The following NKAIN2 variants were observed in gnomAD, a reference collection of about 807,000 sequenced individuals.
NKAIN2 encodes sodium/potassium-transporting ATPase subunit beta-1-interacting protein 2.
NKAIN2 carries 14 observed loss-of-function variants against 32.6 expected under a neutral mutation model. The observed-to-expected ratio is 0.43, with a 90% confidence interval of 0.28 to 0.67. NKAIN2 has a LOEUF of 0.67. NKAIN2 is among the 30% of genes least tolerant of loss of function. The pLI, the probability that NKAIN2 is intolerant of heterozygous loss-of-function variation, is 0.17. For synonymous variants in NKAIN2, 80 were observed against 87.2 expected (o/e 0.92, Z 0.46); for missense variants, 198 against 258.3 (o/e 0.77, Z 1.60).
chr6:124,458,802 A>G (rs1776419273), intron 3 of NKAIN2, among the ~76,000 whole-genome samples: 1 of 151,756 alleles, frequency 6.6e-6, no homozygotes, highest in South Asian at 2.1e-4. Flanking sequence ...CCAGAAACAA[A>G]TGTGTAAACT....
chr6:123,846,391 T>C (rs1775092339), intron 1 of NKAIN2, among the ~76,000 whole-genome samples: 2 of 152,240 alleles, frequency 1.3e-5, no homozygotes, highest in Admixed American at 1.3e-4. Context: ...TACCAGAACA[T>C]TGAGCCAAGT....
At chr6:124,624,909 A>AT (rs1473785902) in intron 3 of NKAIN2, among the ~76,000 whole-genome samples, 22 of 111,210 alleles carry the variant, frequency 2.0e-4, no homozygotes, top group African/African-American at 6.5e-4. Flanking sequence ...GGTTCTTTTA[A>AT]ATAGACTAAA....
intron 4 of NKAIN2, among the ~76,000 whole-genome samples, chr6:124,714,538 A>T (rs117508574): frequency 0.019 from 2,842 of 152,330 alleles, 42 homozygotes; most frequent in Middle Eastern, 0.034. Flanking sequence ...AGATATAGGA[A>T]AACAACATTT....
intron 1 of NKAIN2, among the ~76,000 whole-genome samples, chr6:123,815,535 T>C (rs1773657087): frequency 6.6e-6 from 1 of 152,190 alleles, no homozygotes; most frequent in Non-Finnish European, 1.5e-5. Flanking sequence ...TGTTTTTAGC[T>C]TGTTTGGCAT....
At chr6:124,343,410 A>T (rs1478432591) in intron 2 of NKAIN2, among the ~76,000 whole-genome samples, 3 of 150,518 alleles carry the variant, frequency 2.0e-5, no homozygotes, top group Non-Finnish European at 3.0e-5. Flanking sequence ...CGCCACACTG[A>T]CTTCCACAAT....
chr6:124,710,707 T>G (rs1257508269), intron 4 of NKAIN2, among the ~76,000 whole-genome samples: 4 of 148,732 alleles, frequency 2.7e-5, no homozygotes, highest in Non-Finnish European at 6.0e-5. Context: ...ATCCTTTTAT[T>G]TTGAGCCTAT....
chr6:123,903,519 A>C (rs1323484272), intron 1 of NKAIN2, among the ~76,000 whole-genome samples: 3 of 152,182 alleles, frequency 2.0e-5, no homozygotes, highest in Admixed American at 6.5e-5. Context: ...GGGTGTTACT[A>C]TCTACCGGAT....
chr6:123,923,904 C>A (rs1021263487), intron 1 of NKAIN2, among the ~76,000 whole-genome samples: 2 of 149,716 alleles, frequency 1.3e-5, no homozygotes, highest in Admixed American at 6.7e-5. Flanking sequence ...AACTAACCTG[C>A]ACAATGTGCA....
chr6:124,169,096 T>C (rs1788715271), intron 1 of NKAIN2, among the ~76,000 whole-genome samples: 1 of 152,162 alleles, frequency 6.6e-6, no homozygotes, highest in African/African-American at 2.4e-5. Context: ...TGTGTGTATA[T>C]GTGCACAGAC....
intron 1 of NKAIN2, among the ~76,000 whole-genome samples, chr6:123,891,580 T>C (rs1774020691): frequency 6.6e-6 from 1 of 152,208 alleles, no homozygotes; most frequent in Non-Finnish European, 1.5e-5. Context: ...TTGGTGCTTA[T>C]TCCCCATAGG....
intron 3 of NKAIN2, among the ~76,000 whole-genome samples, chr6:124,502,335 T>G (rs748728119): frequency 2.6e-5 from 4 of 152,166 alleles, no homozygotes; most frequent in Non-Finnish European, 5.9e-5. Context: ...TCTCTTAAGT[T>G]ACTTTAAAAA....
chr6:124,740,293 T>C (rs1777140391), intron 4 of NKAIN2, among the ~76,000 whole-genome samples: 1 of 151,820 alleles, frequency 6.6e-6, no homozygotes, highest in Non-Finnish European at 1.5e-5. Flanking sequence ...TGTATGTTTG[T>C]AGTTCCACAA....
At chr6:123,938,960 G>A (rs1317848902) in intron 1 of NKAIN2, among the ~76,000 whole-genome samples, 1 of 151,894 alleles carries the variant, frequency 6.6e-6, no homozygotes, top group Non-Finnish European at 1.5e-5. Context: ...TAAAATTTTG[G>A]TGACTAAGAT....
chr6:124,013,841 A>C (rs1780447246), intron 1 of NKAIN2, among the ~76,000 whole-genome samples: 1 of 152,170 alleles, frequency 6.6e-6, no homozygotes, highest in Non-Finnish European at 1.5e-5. Context: ...CTGGCTTTGA[A>C]AAGGGTAGAA....
intron 1 of NKAIN2, among the ~76,000 whole-genome samples, chr6:123,873,223 T>C (rs766625486): frequency 2.8e-5 from 3 of 107,704 alleles, no homozygotes; most frequent in African/African-American, 3.7e-5. Context: ...ATATATATAA[T>C]CTAAGGCATG....
intron 1 of NKAIN2, among the ~76,000 whole-genome samples, chr6:123,956,131 G>A (rs1777578128): frequency 6.6e-6 from 1 of 151,980 alleles, no homozygotes; most frequent in Non-Finnish European, 1.5e-5. Context: ...GTAAAATGCT[G>A]GATGCATTAT....
rs557241651 is a variant in NKAIN2 at position 124,240,454 on chromosome 6, T to G, written c.55-42551T>G. ...AGAGACACAACAAAAAAAGAAAATTTCAAGCCAATATCCCTGATGATCATC... is the reference window on the plus strand; with the variant it reads ...AGAGACACAACAAAAAAAGAAAATTGCAAGCCAATATCCCTGATGATCATC... On this transcript the variant is annotated intron_variant, in intron 1 of 6. Coordinates refer to ENST00000368417, the MANE Select transcript of NKAIN2 (RefSeq NM_001040214.3). 6.6e-5 allele frequency among the ~76,000 whole-genome samples: 10 copies of G among 152,104 alleles called. No homozygotes were observed. The South Asian group carries it at 1.7e-3, about 25-fold the overall frequency.
At chr6:124,411,080 C>A (rs1774150712) in intron 3 of NKAIN2, among the ~76,000 whole-genome samples, 1 of 151,934 alleles carries the variant, frequency 6.6e-6, no homozygotes, top group Non-Finnish European at 1.5e-5. Context: ...TGTGTCTCTG[C>A]ACGTGAGATG....
intron 2 of NKAIN2, among the ~76,000 whole-genome samples, chr6:124,348,539 C>T (rs1458083950): frequency 1.3e-5 from 2 of 152,214 alleles, no homozygotes; most frequent in African/African-American, 2.4e-5. Context: ...TGGGCAATGG[C>T]GGGTGCCCCT....
Sources: gnomAD v4.1 joint callset for allele counts (sites outside exome capture counted in the v4.1 genomes callset) on GRCh38, gnomAD v4.1.1 for gene constraint, MANE v1.5 for transcripts, NCBI Gene and HGNC (gene_info 2026-07-23, HGNC 2026-07-21) for gene names.